SMCO2: variants seen among roughly 807,000 people sequenced by gnomAD.
SMCO2 encodes single-pass membrane protein with coiled-coil domains 2.
A neutral mutation model predicts 29.5 loss-of-function variants in SMCO2; 25 were observed. The ratio of observed to expected loss-of-function variants is 0.85; its 90% confidence interval spans 0.62 to 1.18. SMCO2 has a LOEUF of 1.18. Ranked by LOEUF, SMCO2 falls within the 50% of genes most tolerant of loss-of-function variation. SMCO2 has a pLI of 0.00. For synonymous variants in SMCO2, 117 were observed against 123.3 expected (o/e 0.95, Z 0.34); for missense variants, 348 against 344.5 (o/e 1.01, Z -0.08).
chr12:27,471,429 AC>A (rs1949540331), intron 2 of SMCO2, among the ~76,000 whole-genome samples: 1 of 152,022 alleles, frequency 6.6e-6, no homozygotes, highest in South Asian at 2.1e-4. Context: ...GTGACTCAAT[AC>A]CCCCTCAACC....
intron 5 of SMCO2, among the ~76,000 whole-genome samples, chr12:27,491,658 A>G (rs1949736516): frequency 6.6e-6 from 1 of 151,732 alleles, no homozygotes; most frequent in African/African-American, 2.4e-5. Context: ...GGCCACTTAC[A>G]TAGGATGTGG....
the SMCO2 span, among the ~76,000 whole-genome samples, chr12:27,460,416 A>G: frequency 1.3e-5 from 2 of 152,218 alleles, no homozygotes; most frequent in South Asian, 2.1e-4. Flanking sequence ...TTTGTACGTT[A>G]TTTGTATTAT....
chr12:27,441,435 T>C, the SMCO2 span, among the ~76,000 whole-genome samples: 1 of 152,140 alleles, frequency 6.6e-6, no homozygotes, highest in Non-Finnish European at 1.5e-5. Context: ...TGACTAACTA[T>C]ACTTATATCA....
At chr12:27,452,852 T>A in the SMCO2 span, among the ~76,000 whole-genome samples, 1 of 152,160 alleles carries the variant, frequency 6.6e-6, no homozygotes, top group Admixed American at 6.5e-5. Context: ...TGCTGGATTG[T>A]ATGGTGGTTC....
chr12:27,470,500 G>T (rs201344682), intron 1 of SMCO2, 122 bp from the exon 2 acceptor site: 79 of 1,117,966 alleles, frequency 7.1e-5, no homozygotes, highest in Admixed American at 4.3e-4. Flanking sequence ...TGAACAGCCA[G>T]TTGAAAGGGG....
At chr12:27,469,253 C>CAAT (rs1949522207) in intron 1 of SMCO2, among the ~76,000 whole-genome samples, 1 of 152,140 alleles carries the variant, frequency 6.6e-6, no homozygotes, top group African/African-American at 2.4e-5. Flanking sequence ...CAATAGTGAC[C>CAAT]TTCCTGAGGG....
intron 1 of SMCO2, among the ~76,000 whole-genome samples, chr12:27,467,848 T>C (rs1949509976): frequency 6.6e-6 from 1 of 152,136 alleles, no homozygotes; most frequent in Admixed American, 6.6e-5. Flanking sequence ...CACAGGGTAA[T>C]CATGAGGGTC....
the SMCO2 span, among the ~76,000 whole-genome samples, chr12:27,456,462 G>T: frequency 0.015 from 2,316 of 152,174 alleles, 24 homozygotes; most frequent in Non-Finnish European, 0.026. Context: ...GTCGGCAGAG[G>T]GGGGAGGAAT....
At position 27,475,745 on chromosome 12, in the gene SMCO2, G is replaced by A; in HGVS notation, c.362+832G>A. The A allele has an allele frequency of 6.7e-7, 1 of 1,488,550 alleles. No homozygotes were observed. Among genetic ancestry groups the A allele is most frequent in the South Asian group, 1.4e-5 (1 of 71,912 alleles). The allele number at this position is 1,488,550 out of a possible 1,614,324, so 92.2% of individuals were successfully genotyped here. On this transcript the variant is annotated intron_variant, in intron 4 of 7. Coordinates refer to ENST00000298876, the Ensembl canonical transcript of SMCO2. ...CACAGTGAAGAGGTAATTGTAGGGT[G>A]TTGGGGTTGGTCATAAAATAGCAGA...
intron 5 of SMCO2, among the ~76,000 whole-genome samples, chr12:27,491,874 C>CT (rs1001392950): frequency 8.6e-5 from 13 of 151,568 alleles, no homozygotes; most frequent in Admixed American, 7.2e-4. Context: ...TGGCTAATTT[C>CT]TTTTTTTGTA....
In SMCO2 at chr12:27,495,708, G is replaced by C. The variant is rs1338081546; in HGVS notation, c.536G>C (p.Ser179Thr). The change falls in exon 7 of 8, where the codon AGT (serine) becomes ACT (threonine). Residue 179 changes from serine to threonine, a missense_variant. Coordinates refer to ENST00000298876, the Ensembl canonical transcript of SMCO2. ...CTTTGCAAGAATGTGGAACTGCTGAGTGCAAAGCTAAGGATGTATCAAATG... is the reference window on the plus strand; with the variant it reads ...CTTTGCAAGAATGTGGAACTGCTGACTGCAAAGCTAAGGATGTATCAAATG... 2.8e-5 allele frequency: 42 copies of C among 1,509,544 alleles called. 1 individual carries two copies. Among genetic ancestry groups the C allele is most frequent in the Non-Finnish European group, 3.7e-5 (41 of 1,119,332 alleles). The allele number at this position is 1,509,544 out of a possible 1,614,324, so 93.5% of individuals were successfully genotyped here.
chr12:27,466,012 C>T (rs1490025862), upstream of SMCO2, among the ~76,000 whole-genome samples: 1 of 152,096 alleles, frequency 6.6e-6, no homozygotes, highest in Non-Finnish European at 1.5e-5. Context: ...GTGAGCCTGG[C>T]ACTGAAGTCC....
chr12:27,467,186 A>T (rs1252173505), intron 1 of SMCO2, among the ~76,000 whole-genome samples: 1 of 152,142 alleles, frequency 6.6e-6, no homozygotes, highest in Non-Finnish European at 1.5e-5. Context: ...CTGTCTTTTA[A>T]AATAGTTGAT....
At chr12:27,496,390 A>C (rs12423935) in intron 7 of SMCO2, among the ~76,000 whole-genome samples, 13,911 of 150,564 alleles carry the variant, frequency 0.092, 1,324 homozygotes, top group East Asian at 0.27. Flanking sequence ...ATATCTATAG[A>C]TGTATCTATA....
chr12:27,448,356 G>C, the SMCO2 span, among the ~76,000 whole-genome samples: 3 of 152,204 alleles, frequency 2.0e-5, no homozygotes, highest in African/African-American at 7.2e-5. Context: ...CTCCGCCTTA[G>C]TTCTCCCAAG....
the SMCO2 span, among the ~76,000 whole-genome samples, chr12:27,448,081 A>G: frequency 1.3e-5 from 2 of 152,232 alleles, no homozygotes; most frequent in African/African-American, 4.8e-5. Flanking sequence ...AAAAATAGTT[A>G]TCAATTAAAT....
chr12:27,431,274 C>T, the SMCO2 span, among the ~76,000 whole-genome samples: 3 of 152,156 alleles, frequency 2.0e-5, no homozygotes, highest in African/African-American at 7.2e-5. Flanking sequence ...TCCCAAAGTG[C>T]TCGGATTACA....
At chr12:27,483,421 T>C (rs1284234121) in intron 4 of SMCO2, among the ~76,000 whole-genome samples, 1 of 152,130 alleles carries the variant, frequency 6.6e-6, no homozygotes, top group Non-Finnish European at 1.5e-5. Flanking sequence ...TCCTTCTCTT[T>C]GTTTTTTTTC....
At chr12:27,455,201 C>T in the SMCO2 span, among the ~76,000 whole-genome samples, 1 of 152,124 alleles carries the variant, frequency 6.6e-6, no homozygotes, top group African/African-American at 2.4e-5. Flanking sequence ...ATCCAGGAGG[C>T]AGGCATGTGG....
Sources: gnomAD v4.1 joint callset for allele counts (sites outside exome capture counted in the v4.1 genomes callset) on GRCh38, gnomAD v4.1.1 for gene constraint, MANE v1.5 for transcripts, NCBI Gene and HGNC (gene_info 2026-07-23, HGNC 2026-07-21) for gene names.